The following DCTN1 variants were observed in gnomAD, a reference collection of about 807,000 sequenced individuals.
The protein encoded by DCTN1 is 150 kDa dynein-associated polypeptide.
Under a neutral mutation model 161.2 loss-of-function variants are expected in DCTN1, and 61 were observed. That is an observed-to-expected ratio of 0.38 (90% CI 0.31 to 0.47). The LOEUF (loss-of-function observed/expected upper bound fraction) is 0.47, where lower values mean the gene tolerates loss of function less well. DCTN1 is among the 20% of genes least tolerant of loss of function. DCTN1 has a pLI of 0.99. For missense variants in DCTN1, 1,404 were observed against 1,623.7 expected, an observed-to-expected ratio of 0.86 and a Z score of 2.33; for synonymous variants, 653 against 632.4, an observed-to-expected ratio of 1.03 and a Z score of -0.49.
chr2:74,361,875 G>C (rs1674019463), intron 31 of DCTN1, among the ~76,000 whole-genome samples, 177 bp downstream of exon 31: 1 of 152,180 alleles, frequency 6.6e-6, no homozygotes, highest in Non-Finnish European at 1.5e-5. Flanking sequence ...TAAAATATTG[G>C]AATTTCAAAG....
In DCTN1 at chr2:74,365,875, A is replaced by G. The variant is rs1409532126; in HGVS notation, c.2886+18T>C. ...CCAATTTCCTGGCCCCCAGATCCTG[A>G]GCCTACACTACCCTCACCTTAATCT... On this transcript the variant is annotated intron_variant, in intron 24 of 31. Transcript: ENST00000628224. 1.9e-6 allele frequency: 3 copies of G among 1,614,042 alleles called. No individual in the cohort carries two copies. Among genetic ancestry groups the G allele is most frequent in the East Asian group, 4.5e-5 (2 of 44,874 alleles).
At chr2:74,391,136 G>A (rs1317429933) in intron 1 of DCTN1, 1 of 152,762 alleles carries the variant, frequency 6.5e-6, no homozygotes, top group Non-Finnish European at 1.5e-5. Context: ...ATTAAGTAAA[G>A]GATGTCAATC....
chr2:74,383,958 C>T (rs757219638), upstream of DCTN1, among the ~76,000 whole-genome samples: 15 of 152,150 alleles, frequency 9.9e-5, no homozygotes, highest in South Asian at 2.1e-4. Context: ...CGATGACTTG[C>T]GCACAGTAGG....
intron 1 of DCTN1, chr2:74,386,647 C>G (rs1374312123): frequency 6.6e-6 from 1 of 152,226 alleles, no homozygotes; most frequent in African/African-American, 2.4e-5. Context: ...CACCAGCATT[C>G]CCACCTCTCA....
At position 74,380,283 on chromosome 2, in the gene DCTN1, C is replaced by T. The variant is rs1164728371; in HGVS notation, c.-246G>A. 5 of 610,844 alleles carry T rather than the reference C, an allele frequency of 8.2e-6. No homozygotes were observed. Among genetic ancestry groups the T allele is most frequent in the Non-Finnish European group, 1.5e-5 (5 of 334,242 alleles). 37.8% of individuals were successfully genotyped at this position (610,844 alleles called of 1,614,324 possible). A position where few individuals can be genotyped will look rare whatever the true frequency, so the allele number is the denominator to read the frequency against. ...ATTCCTGAACCCAGAGACACAGAAT[C>T]CTGCTTGCCAGCTGATGAGTCTCAC... On this transcript the variant is annotated 5_prime_UTR_variant, in exon 1 of 32. Coordinates refer to ENST00000628224, the MANE Select transcript of DCTN1 (RefSeq NM_004082.5).
At chr2:74,377,881 T>C (rs1675315552) in intron 2 of DCTN1, 119 bp downstream of exon 2, 7 of 1,507,654 alleles carry the variant, frequency 4.6e-6, no homozygotes, top group Non-Finnish European at 6.4e-6. Flanking sequence ...CCCACTACCT[T>C]CCACTCTCCC....
chr2:74,382,502 T>C (rs368803884), upstream of DCTN1, among the ~76,000 whole-genome samples: 3 of 147,978 alleles, frequency 2.0e-5, no homozygotes, highest in South Asian at 4.2e-4. Context: ...TGAGAGACTA[T>C]AGGCATGAGA....
In DCTN1 at chr2:74,368,135, T is replaced by G; in HGVS notation, c.1855-4A>C. On this transcript the variant is annotated splice_polypyrimidine_tract_variant and splice_region_variant and intron_variant, in intron 16 of 31. Coordinates refer to ENST00000628224, the MANE Select transcript of DCTN1 (RefSeq NM_004082.5). ...CCTGCTTCCGGATCAGCTCTGCCTG[T>G]GGGAAAAAGCACCAGGAACCTGGGC... The G allele has an allele frequency of 6.3e-7, 1 of 1,579,600 alleles. No individual in the cohort carries two copies. The highest frequency in any genetic ancestry group is 1.1e-5 in the South Asian group (1 of 86,984).
intron 1 of DCTN1, among the ~76,000 whole-genome samples, chr2:74,379,206 C>T (rs548994589): frequency 6.6e-6 from 1 of 152,284 alleles, no homozygotes; most frequent in African/African-American, 2.4e-5. Flanking sequence ...GAAAATCACA[C>T]TTAGGTCATT....
intron 1 of DCTN1, chr2:74,385,860 C>G (rs527567875): frequency 6.6e-6 from 1 of 152,298 alleles, no homozygotes; most frequent in African/African-American, 2.4e-5. Flanking sequence ...TGAGAAAACA[C>G]ATAAGGTGAG....
Position 74,370,531 on chromosome 2 carries a change from A to G in DCTN1, c.1062T>C (p.Ala354=), listed in dbSNP as rs747302241. Residue 354 remains alanine, a synonymous_variant, in exon 11 of 32, where the codon GCT becomes GCC. Coordinates refer to ENST00000628224, the MANE Select transcript of DCTN1 (RefSeq NM_004082.5). This position sits in a 1 kb window ranked among gnomAD's most constrained non-coding sequence, Gnocchi z 4.4. The part of the protein sequence containing the change: ...AEIEEKGSDG[A]ASSYQLKQLE... ...GCTGCTTGAGCTGATAACTGGATGC[A>G]GCGCCATCTGAGCCTGGAGAAGATC... The G allele has an allele frequency of 1.2e-6, 2 of 1,614,162 alleles. No individual in the cohort carries two copies. The highest frequency in any genetic ancestry group is 1.7e-6 in the Non-Finnish European group (2 of 1,180,038).
rs888179489 is a variant in DCTN1, at chr2:74,370,808, C to T, written c.861G>A (p.Leu287=). The change falls in exon 10 of 32, where the codon CTG becomes CTA. Residue 287 remains leucine, a synonymous_variant. Transcript: ENST00000628224. The surrounding 1 kb of genome is among the most constrained non-coding windows in gnomAD (Gnocchi z 4.4). ...KEARKEAKEA[L]EAKERYMEEM... The stretch of plus-strand genomic sequence containing the variant: ...CCTCCATATAGCGTTCCTTTGCCTC[C>T]AGCGCCTCCTTGGCTTCCTGAGGAA... The T allele has an allele frequency of 3.7e-6, 6 of 1,614,250 alleles. No homozygotes were observed. The highest frequency in any genetic ancestry group is 5.1e-6 in the Non-Finnish European group (6 of 1,180,052).
At chr2:74,367,604 T>C (rs949394487) in intron 18 of DCTN1, 92 bp downstream of exon 18, 30 of 1,586,302 alleles carry the variant, frequency 1.9e-5, no homozygotes, top group African/African-American at 1.5e-4. Flanking sequence ...GCAGCAAGCA[T>C]GGGACATACA....
rs1286416624 is a variant in DCTN1, at chr2:74,370,308, C to T, written c.1165G>A (p.Val389Met). The T allele has an allele frequency of 3.7e-6, 6 of 1,613,950 alleles. No homozygotes were observed. The highest frequency in any genetic ancestry group is 4.2e-6 in the Non-Finnish European group (5 of 1,180,054). Residue 389 changes from valine (V) to methionine (M), a missense_variant, in exon 12 of 32, where the codon GTG becomes ATG. Around this residue, in one of 9 missense-constraint regions of DCTN1, gnomAD observed 278 missense variants for 363.8 expected, o/e 0.76. Coordinates refer to ENST00000628224, the MANE Select transcript of DCTN1 (RefSeq NM_004082.5). This position sits in a 1 kb window ranked among gnomAD's most constrained non-coding sequence, Gnocchi z 4.4. ...DLSSSEKQEHVKLQKLMEKKN... is the reference protein window; with the variant it reads ...DLSSSEKQEHMKLQKLMEKKN... ...TTTTCCATGAGCTTCTGGAGCTTCA[C>T]ATGCTCCTGCTTCTCTGAGGAAGAA...
Position 74,369,846 on chromosome 2 carries a change from A to C in DCTN1, c.1392+119T>G. ...AAAAAAAAAAAAAAAAGGCAGGGTC[A>C]GGGTAGCAAGCCCAGGCTGGGTCCC... On this transcript the variant is annotated intron_variant, in intron 13 of 31. Coordinates refer to ENST00000628224, the MANE Select transcript of DCTN1 (RefSeq NM_004082.5). This position sits in a 1 kb window ranked among gnomAD's most constrained non-coding sequence, Gnocchi z 4.9. 1 of 910,432 alleles carries C rather than the reference A, an allele frequency of 1.1e-6. No homozygotes were observed. Among genetic ancestry groups the C allele is most frequent in the Non-Finnish European group, 1.8e-6 (1 of 562,540 alleles). 56.4% of individuals were successfully genotyped at this position (910,432 alleles called of 1,614,324 possible). A position where few individuals can be genotyped will look rare whatever the true frequency, so the allele number is the denominator to read the frequency against.
intron 2 of DCTN1, 104 bp from the exon 3 acceptor site, chr2:74,377,830 C>A: frequency 1.4e-6 from 2 of 1,451,976 alleles, no homozygotes. Flanking sequence ...ACCAAGAGTA[C>A]AGGGCAGCTT....
At chr2:74,390,750 A>G (rs1421932247) in intron 1 of DCTN1, 4 of 334,444 alleles carry the variant, frequency 1.2e-5, no homozygotes, top group East Asian at 7.6e-5. Context: ...TGCAGAACCA[A>G]TCAGAATCTG....
At position 74,363,637 on chromosome 2, in the gene DCTN1, G is replaced by A. The variant is rs773055459; in HGVS notation, c.3197-9C>T. On this transcript the variant is annotated splice_polypyrimidine_tract_variant and intron_variant, in intron 26 of 31. Transcript: ENST00000628224. The stretch of plus-strand genomic sequence containing the variant: ...ACCTCGCTGCTGTTCTTCTGTGCTC[G>A]GGATAGCCCATGGGGGAGCAGGAAA... The A allele has an allele frequency of 1.1e-5, 17 of 1,613,658 alleles. No individual in the cohort carries two copies. Among genetic ancestry groups the A allele is most frequent in the East Asian group, 6.7e-5 (3 of 44,882 alleles).
At chr2:74,371,451 CA>C in intron 8 of DCTN1, 85 bp downstream of exon 8, 3 of 1,409,186 alleles carry the variant, frequency 2.1e-6, no homozygotes, top group Non-Finnish European at 2.9e-6. Context: ...AGGTCTTTGC[CA>C]ACCCCAGGAA....
Sources: allele counts gnomAD v4.1 joint callset (sites outside exome capture counted in the v4.1 genomes callset), GRCh38; gene constraint gnomAD v4.1.1; regional missense constraint gnomAD v4.1.1; non-coding constraint Gnocchi (gnomAD v3.1); transcripts MANE v1.5; gene names NCBI Gene and HGNC (gene_info 2026-07-23, HGNC 2026-07-21).